The following LRGUK variants were observed in gnomAD, a reference collection of about 807,000 sequenced individuals.
LRGUK encodes leucine rich repeats and guanylate kinase domain containing, also known as leucine-rich repeat and guanylate kinase domain-containing protein.
In LRGUK, 65 loss-of-function variants were observed where a neutral mutation model predicts 76.0. The observed-to-expected ratio is 0.85, with a 90% CI of 0.70 to 1.05. LRGUK has a LOEUF of 1.05. Ranked by LOEUF, LRGUK falls within the 50% of genes least tolerant of loss-of-function variation. The probability of loss-of-function intolerance (pLI) is 0.00; values close to 1 mark genes in which losing one functional copy is unlikely to be tolerated. For synonymous variants in LRGUK, 268 were observed against 265.6 expected, an observed-to-expected ratio of 1.01 and a Z score of -0.09; for missense variants, 758 against 732.8, an observed-to-expected ratio of 1.03 and a Z score of -0.40.
At chr7:134,263,807 C>T in intron 19 of LRGUK, 38 bp from the exon 20 acceptor site, 1 of 1,565,148 alleles carries the variant, frequency 6.4e-7, no homozygotes, top group Non-Finnish European at 8.7e-7. Context: ...ACCAAGAAAC[C>T]AAGGGATTAA....
At chr7:134,197,147 T>C in intron 13 of LRGUK, 42 bp downstream of exon 13, 2 of 1,218,310 alleles carry the variant, frequency 1.6e-6, no homozygotes, top group Non-Finnish European at 2.4e-6. Context: ...GTGTAGTTTG[T>C]GTGAGTGTGG....
chr7:134,208,682 T>A, intron 15 of LRGUK: 2 of 398,808 alleles, frequency 5.0e-6, no homozygotes, highest in Non-Finnish European at 8.8e-6. Flanking sequence ...CTGTTTATAG[T>A]TAATTTCTTT....
chr7:134,157,103 T>C (rs1487404259), intron 5 of LRGUK, among the ~76,000 whole-genome samples: 1 of 152,166 alleles, frequency 6.6e-6, no homozygotes, highest in Non-Finnish European at 1.5e-5. Context: ...ACACAGAAGG[T>C]AAGCTAAAAT....
In LRGUK at chr7:134,198,908, A is replaced by G. The variant is rs375612754; in HGVS notation, c.1546-312A>G. On this transcript the variant is annotated intron_variant, in intron 13 of 15. Coordinates refer to ENST00000645682, the Ensembl canonical transcript of LRGUK. ...ATTACCTTTCTGTAATAAAGTTGCAATATTGCTATGAATGTACCTATTTTA... is the reference window on the plus strand; with the variant it reads ...ATTACCTTTCTGTAATAAAGTTGCAGTATTGCTATGAATGTACCTATTTTA... 1.6e-3 allele frequency among the ~76,000 whole-genome samples: 238 copies of G among 152,316 alleles called. 1 individual carries two copies. Among genetic ancestry groups the G allele is most frequent in the Middle Eastern group, 0.01 (3 of 294 alleles).
At position 134,147,139 on chromosome 7, in the gene LRGUK, G is replaced by T. The variant is rs559119209; in HGVS notation, c.589-1099G>T. On this transcript the variant is annotated intron_variant, in intron 4 of 15. Coordinates refer to ENST00000645682, the Ensembl canonical transcript of LRGUK. The stretch of plus-strand genomic sequence containing the variant: ...ATAAATAAGTAAGACTAGGCCGGGC[G>T]CAGTGGCTCACACCTATAATCCCAA... 2.0e-4 allele frequency among the ~76,000 whole-genome samples: 30 copies of T among 152,178 alleles called. No individual in the cohort carries two copies. In the South Asian group the frequency reaches 6.0e-3, roughly 30 times the overall value.
intron 8 of LRGUK, among the ~76,000 whole-genome samples, chr7:134,175,210 C>T (rs116329775): frequency 0.012 from 1,775 of 152,228 alleles, 25 homozygotes; most frequent in African/African-American, 0.035. Context: ...TCTTTCTCTC[C>T]ATTGACAGAT....
At chr7:134,258,139 C>A in intron 18 of LRGUK, 118 bp from the exon 19 acceptor site, 1 of 1,243,472 alleles carries the variant, frequency 8.0e-7, no homozygotes, top group Non-Finnish European at 1.1e-6. Context: ...AAGACATGTC[C>A]ACTAACTACT....
At chr7:134,166,059 A>G (rs975475776) in intron 7 of LRGUK, among the ~76,000 whole-genome samples, 8 of 151,426 alleles carry the variant, frequency 5.3e-5, no homozygotes, top group African/African-American at 7.3e-5. Flanking sequence ...AGGCTCCCCA[A>G]ATATTCTTTG....
At position 134,127,629 on chromosome 7, in the gene LRGUK, G is replaced by C. The variant is rs753816888; in HGVS notation, c.262G>C (p.Glu88Gln). 11 of 1,614,094 alleles carry C rather than the reference G, an allele frequency of 6.8e-6. No individual in the cohort carries two copies. In the South Asian group the frequency reaches 1.1e-4, roughly 16 times the overall value. The change falls in exon 1 of 16, where the codon GAG becomes CAG. Residue 88 changes from glutamate to glutamine, a missense_variant. Glu to Gln is a conservative substitution (Grantham distance 29, BLOSUM62 2). Coordinates refer to ENST00000645682, the Ensembl canonical transcript of LRGUK. Reference sequence around the variant, plus strand: ...CCAGGGCGAGGGCGAGGCGGGATCCGAGGAGTCCTCAGAGTCCGAAATGCT... The same window carrying C: ...CCAGGGCGAGGGCGAGGCGGGATCCCAGGAGTCCTCAGAGTCCGAAATGCT...
chr7:134,209,273 A>C, exon 16 of LRGUK: 1 of 399,300 alleles, frequency 2.5e-6, no homozygotes, highest in Non-Finnish European at 4.4e-6. Flanking sequence ...CAGCCCTCAG[A>C]GAATTCAGGA....
intron 6 of LRGUK, among the ~76,000 whole-genome samples, chr7:134,160,537 A>G (rs1222805534): frequency 6.6e-6 from 1 of 152,212 alleles, no homozygotes; most frequent in African/African-American, 2.4e-5. Context: ...TTTAGTTACT[A>G]TTGAAAATAA....
At position 134,209,015 on chromosome 7, in the gene LRGUK, G is replaced by A. The variant is rs1801125579; in HGVS notation, c.2152G>A (p.Glu718Lys). The stretch of plus-strand genomic sequence containing the variant: ...CCAGGACCTATCCCTAAACCCAACG[G>A]AAGAGGATGTCCAACAATCAGATCT... Residue 718 changes from glutamate (E) to lysine (K), a missense_variant, in exon 16 of 16, where the codon GAA (glutamate) becomes AAA (lysine). Physicochemically the swap from Glu to Lys is moderately conservative, Grantham distance 56. Coordinates refer to ENST00000645682, the Ensembl canonical transcript of LRGUK. 3 of 399,020 alleles carry A rather than the reference G, an allele frequency of 7.5e-6. No individual in the cohort carries two copies. The South Asian group carries it at 3.8e-4, about 51-fold the overall frequency. 24.7% of individuals were successfully genotyped at this position (399,020 alleles called of 1,614,324 possible). A position where few individuals can be genotyped will look rare whatever the true frequency, so the allele number is the denominator to read the frequency against.
At position 134,174,530 on chromosome 7, in the gene LRGUK, G is replaced by A. The variant is rs543849497; in HGVS notation, c.940-26G>A. On this transcript the variant is annotated intron_variant, in intron 7 of 15. Coordinates refer to ENST00000645682, the Ensembl canonical transcript of LRGUK. ...ATTGTCTTTGTGCATTTAGTCTGTT[G>A]ATAATTTTTTTCTTTGATTGAACAG... 7 of 1,391,420 alleles carry A rather than the reference G, an allele frequency of 5.0e-6. 1 individual carries two copies. The South Asian group carries it at 7.1e-5, about 14-fold the overall frequency. 86.2% of individuals were successfully genotyped at this position (1,391,420 alleles called of 1,614,324 possible). A position where few individuals can be genotyped will look rare whatever the true frequency, so the allele number is the denominator to read the frequency against.
At chr7:134,197,820 A>T (rs1406988105) in intron 13 of LRGUK, among the ~76,000 whole-genome samples, 3 of 152,190 alleles carry the variant, frequency 2.0e-5, no homozygotes. Flanking sequence ...TTTATTTTTT[A>T]AAAATATAGC....
intron 10 of LRGUK, among the ~76,000 whole-genome samples, chr7:134,178,926 CAAAAA>C (rs950815389): frequency 2.3e-5 from 1 of 43,570 alleles, no homozygotes. Context: ...AGTGAAATCT[CAAAAA>C]AAAAAAAAAA....
At chr7:134,209,536 G>T (rs1157858103) in exon 16 of LRGUK, 2 of 399,166 alleles carry the variant, frequency 5.0e-6, no homozygotes, top group Non-Finnish European at 8.8e-6. Context: ...CTAGAAGCCG[G>T]CTGGCTCCCA....
chr7:134,199,980 T>TA (rs1800682862), intron 14 of LRGUK, among the ~76,000 whole-genome samples: 1 of 69,562 alleles, frequency 1.4e-5, no homozygotes, highest in Non-Finnish European at 2.8e-5. Context: ...TTCTAGAAAC[T>TA]TTTATATATA....
At chr7:134,193,440 C>G (rs1339331167) in intron 12 of LRGUK, among the ~76,000 whole-genome samples, 1 of 152,154 alleles carries the variant, frequency 6.6e-6, no homozygotes, top group Non-Finnish European at 1.5e-5. Flanking sequence ...CATCTGCTCT[C>G]TGGTGTTTCA....
chr7:134,262,609 T>C (rs1298332650), intron 19 of LRGUK, among the ~76,000 whole-genome samples: 4 of 152,162 alleles, frequency 2.6e-5, no homozygotes, highest in African/African-American at 9.7e-5. Flanking sequence ...CTGCTTTCTT[T>C]TCAACATGTT....
Sources: gnomAD v4.1 joint callset for allele counts (sites outside exome capture counted in the v4.1 genomes callset) on GRCh38, gnomAD v4.1.1 for gene constraint, MANE v1.5 for transcripts, NCBI Gene and HGNC (gene_info 2026-07-23, HGNC 2026-07-21) for gene names.